The following GPC6 variants were observed in gnomAD, a reference collection of about 807,000 sequenced individuals.
The protein encoded by GPC6 is glypican 6.
In GPC6, 14 loss-of-function variants were observed where a neutral mutation model predicts 55.2. That is an observed-to-expected ratio of 0.25 (90% confidence interval 0.17 to 0.40). GPC6 has a LOEUF of 0.40. Among genes scored for constraint, GPC6 ranks in the 10% least tolerant of loss-of-function variants. GPC6 has a pLI of 1.00. For missense variants in GPC6, 641 were observed against 708.5 expected (o/e 0.90, Z 1.08); for synonymous variants, 278 against 259.6 (o/e 1.07, Z -0.68).
chr13:93,677,502 T>C (rs1253571223), intron 2 of GPC6, among the ~76,000 whole-genome samples: 2 of 152,032 alleles, frequency 1.3e-5, no homozygotes, highest in Non-Finnish European at 2.9e-5. Flanking sequence ...TAATACATAA[T>C]AATTATTCAA....
At chr13:93,729,117 C>T (rs570550882) in intron 2 of GPC6, among the ~76,000 whole-genome samples, 1 of 152,204 alleles carries the variant, frequency 6.6e-6, no homozygotes, top group Non-Finnish European at 1.5e-5. Context: ...TTATATCTGC[C>T]TTGCTACTTG....
rs553020879 is a variant in GPC6, at chr13:93,677,102, T to G, written c.319+131681T>G. 5.3e-4 allele frequency among the ~76,000 whole-genome samples: 81 copies of G among 152,252 alleles called. 1 individual carries two copies. The highest frequency in any genetic ancestry group is 3.4e-3 in the Middle Eastern group (1 of 294). On this transcript the variant is annotated intron_variant, in intron 2 of 8. Transcript: ENST00000377047. ...GTAAGAAGGAGAAGTTCAGAGAAGC[T>G]GTTGTGATATTCTAGGCAAGAGATG... is the stretch of plus-strand genomic sequence containing the variant.
At chr13:93,408,739 T>C (rs1325008105) in intron 1 of GPC6, among the ~76,000 whole-genome samples, 3 of 152,022 alleles carry the variant, frequency 2.0e-5, no homozygotes, top group Admixed American at 1.3e-4. Flanking sequence ...AAAGCACTGC[T>C]AGGGAGTGTA....
At chr13:94,197,531 CAG>C (rs933560642) in intron 4 of GPC6, among the ~76,000 whole-genome samples, 2 of 152,142 alleles carry the variant, frequency 1.3e-5, no homozygotes, top group African/African-American at 4.8e-5. Flanking sequence ...CCTCACGTGG[CAG>C]AGAGAGAGTG....
At chr13:93,242,337 C>T (rs1171886491) in intron 1 of GPC6, among the ~76,000 whole-genome samples, 1 of 152,186 alleles carries the variant, frequency 6.6e-6, no homozygotes, top group African/African-American at 2.4e-5. Flanking sequence ...CTATCATCCT[C>T]CTGTCCCAGT....
intron 1 of GPC6, among the ~76,000 whole-genome samples, chr13:93,536,946 A>T (rs1882087051): frequency 6.6e-6 from 1 of 152,278 alleles, no homozygotes; most frequent in Non-Finnish European, 1.5e-5. Context: ...ACAGGCAACA[A>T]CATTTTCATT....
chr13:93,485,368 A>G (rs776136680), intron 1 of GPC6, among the ~76,000 whole-genome samples: 1 of 152,178 alleles, frequency 6.6e-6, no homozygotes, highest in African/African-American at 2.4e-5. Flanking sequence ...AGCTCATGTT[A>G]GATAGAGTTG....
chr13:93,317,298 T>A (rs1260398050), intron 1 of GPC6, among the ~76,000 whole-genome samples: 1 of 152,152 alleles, frequency 6.6e-6, no homozygotes, highest in Non-Finnish European at 1.5e-5. Context: ...TTGATAAACT[T>A]ATCAGACACC....
chr13:94,105,300 A>T (rs896053741), intron 4 of GPC6, among the ~76,000 whole-genome samples: 1 of 152,202 alleles, frequency 6.6e-6, no homozygotes, highest in African/African-American at 2.4e-5. Flanking sequence ...TTGAGGCTGC[A>T]GTGAGCCATG....
chr13:94,127,045 T>C (rs1886844827), intron 4 of GPC6, among the ~76,000 whole-genome samples: 1 of 152,144 alleles, frequency 6.6e-6, no homozygotes, highest in Non-Finnish European at 1.5e-5. Flanking sequence ...TTTTTCAATA[T>C]GGTAACTTTT....
intron 6 of GPC6, among the ~76,000 whole-genome samples, chr13:94,360,536 G>C (rs932377586): frequency 1.4e-4 from 22 of 152,186 alleles, no homozygotes; most frequent in African/African-American, 5.3e-4. Flanking sequence ...GTTAGAAATG[G>C]TTTAGAAAAT....
intron 1 of GPC6, among the ~76,000 whole-genome samples, chr13:93,368,660 A>T (rs1157566574): frequency 6.6e-6 from 1 of 151,964 alleles, no homozygotes; most frequent in African/African-American, 2.4e-5. Flanking sequence ...TTGAACCAAC[A>T]AGCAGGTTAC....
At chr13:93,401,044 A>G (rs144518578) in intron 1 of GPC6, among the ~76,000 whole-genome samples, 1,765 of 152,280 alleles carry the variant, frequency 0.012, 43 homozygotes, top group African/African-American at 0.041. Flanking sequence ...TTTTGTCTGC[A>G]TAGCATTATT....
At chr13:93,334,715 C>T (rs1879984960) in intron 1 of GPC6, among the ~76,000 whole-genome samples, 1 of 152,186 alleles carries the variant, frequency 6.6e-6, no homozygotes, top group Non-Finnish European at 1.5e-5. Context: ...GATTCGCCTG[C>T]CTCAGCCTCC....
intron 3 of GPC6, among the ~76,000 whole-genome samples, chr13:93,977,217 C>A (rs974697855): frequency 1.3e-5 from 2 of 152,042 alleles, no homozygotes; most frequent in African/African-American, 4.8e-5. Context: ...AGGACTAGAC[C>A]ACCTTTTCAT....
At chr13:93,432,343 G>C (rs2139276010) in intron 1 of GPC6, among the ~76,000 whole-genome samples, 1 of 152,260 alleles carries the variant, frequency 6.6e-6, no homozygotes, top group South Asian at 2.1e-4. Flanking sequence ...AGGTGTAAGT[G>C]AAATGTATTG....
intron 1 of GPC6, among the ~76,000 whole-genome samples, chr13:93,413,800 T>C (rs1488698710): frequency 6.6e-6 from 1 of 152,178 alleles, no homozygotes; most frequent in Non-Finnish European, 1.5e-5. Context: ...TTGAAATTTT[T>C]CAAAATAAGT....
intron 3 of GPC6, among the ~76,000 whole-genome samples, chr13:94,027,125 C>T (rs958542294): frequency 6.6e-6 from 1 of 152,148 alleles, no homozygotes; most frequent in Non-Finnish European, 1.5e-5. Context: ...GGATACGTAG[C>T]TCCTCTGAAT....
chr13:93,433,864 C>T (rs987680430), intron 1 of GPC6, among the ~76,000 whole-genome samples: 5 of 152,022 alleles, frequency 3.3e-5, no homozygotes, highest in African/African-American at 1.2e-4. Flanking sequence ...TTAATGCTGA[C>T]GTGAGGGCAA....
Sources: allele counts gnomAD v4.1 joint callset (sites outside exome capture counted in the v4.1 genomes callset), GRCh38; gene constraint gnomAD v4.1.1; transcripts MANE v1.5; gene names NCBI Gene and HGNC (gene_info 2026-07-23, HGNC 2026-07-21).